Variants in CACNA1G observed in about 807,000 individuals in gnomAD.
CACNA1G encodes the protein voltage-dependent T-type calcium channel subunit alpha-1G.
A neutral mutation model predicts 219.4 loss-of-function variants in CACNA1G; 67 were observed. The observed-to-expected ratio is 0.31, with a 90% CI of 0.25 to 0.37. CACNA1G has a LOEUF of 0.37. Ranked by LOEUF, CACNA1G falls within the 10% of genes least tolerant of loss-of-function variation. The pLI, the probability that CACNA1G is intolerant of heterozygous loss-of-function variation, is 1.00. For missense variants in CACNA1G, 2,380 were observed against 3,231.4 expected (o/e 0.74, Z 6.39); for synonymous variants, 1,296 against 1,345.3 (o/e 0.96, Z 0.80).
In CACNA1G at chr17:50,576,107, C is replaced by G. The variant is rs1438878302; in HGVS notation, c.1705C>G (p.Gln569Glu). Residue 569 changes from glutamine (Q) to glutamate (E), a missense_variant, in exon 8 of 38, where the codon CAG becomes GAG. This residue lies in a region of CACNA1G where 434 missense variants were observed against 417.3 expected (regional missense o/e 1.04). Transcript: ENST00000359106. The part of the protein sequence containing the change: ...ADCHLEPVRC[Q>E]APPPRSPSEA... Reference sequence around the variant, plus strand: ...CTGCCACTTAGAGCCAGTCCGCTGCCAGGCGCCCCCTCCCAGGTCCCCATC... The same window carrying G: ...CTGCCACTTAGAGCCAGTCCGCTGCGAGGCGCCCCCTCCCAGGTCCCCATC... The G allele has an allele frequency of 1.9e-6, 3 of 1,596,234 alleles. No homozygotes were observed. In the African/African-American group the frequency reaches 4.0e-5, roughly 21 times the overall value.
At chr17:50,612,119 C>T (rs966698746) in intron 26 of CACNA1G, among the ~76,000 whole-genome samples, 1 of 152,264 alleles carries the variant, frequency 6.6e-6, no homozygotes, top group Non-Finnish European at 1.5e-5. Flanking sequence ...AAAGCATAAA[C>T]ACAGATTCCT....
chr17:50,611,557 G>A (rs930072437), intron 26 of CACNA1G, among the ~76,000 whole-genome samples: 3 of 152,206 alleles, frequency 2.0e-5, no homozygotes, highest in Non-Finnish European at 4.4e-5. Context: ...TGGGGCTCAG[G>A]AGTCTCTGGC....
In CACNA1G at chr17:50,600,834, ACAGGG is replaced by A; in HGVS notation, c.3791+14_3791+18del. On this transcript the variant is annotated intron_variant, in intron 18 of 37. Coordinates refer to ENST00000359106, the MANE Select transcript of CACNA1G (RefSeq NM_018896.5). This position sits in a 1 kb window ranked among gnomAD's most constrained non-coding sequence, Gnocchi z 4.1. The stretch of plus-strand genomic sequence containing the variant: ...CTTCCCTCCTCAGTCCAGGTAAGTG[ACAGGG>A]CAGGGGTCTGACCTGTGTCCCGACC... The A allele has an allele frequency of 6.2e-7, 1 of 1,610,996 alleles. No homozygotes were observed. Among genetic ancestry groups the A allele is most frequent in the African/African-American group, 1.3e-5 (1 of 74,930 alleles).
At position 50,618,747 on chromosome 17, in the gene CACNA1G, C is replaced by A. The variant is rs770082668; in HGVS notation, c.5520C>A (p.Phe1840Leu). 2 of 1,613,976 alleles carry A rather than the reference C, an allele frequency of 1.2e-6. No homozygotes were observed. Among genetic ancestry groups the A allele is most frequent in the East Asian group, 2.2e-5 (1 of 44,866 alleles). ...TGTCCTTCGTGCTGACGGCCCAGTT[C>A]GTGCTAGTCAACGTGGTGATCGCCG... is the stretch of plus-strand genomic sequence containing the variant. ...YFVSFVLTAQ[F>L]VLVNVVIAVL... is the part of the protein sequence containing the mutation. Residue 1840 changes from phenylalanine to leucine, a missense_variant, in exon 33 of 38, where the codon TTC becomes TTA. Physicochemically the swap from Phe to Leu is conservative, Grantham distance 22. Around this residue, in one of 17 missense-constraint regions of CACNA1G, gnomAD observed 33 missense variants for 70.2 expected, o/e 0.47. Coordinates refer to ENST00000359106, the MANE Select transcript of CACNA1G (RefSeq NM_018896.5). This position sits in a 1 kb window ranked among gnomAD's most constrained non-coding sequence, Gnocchi z 5.3.
chr17:50,627,086 C>T lies in CACNA1G; in HGVS notation c.*335C>T, dbSNP rs1046572336. The T allele has an allele frequency of 1.8e-5, 9 of 490,402 alleles. No individual in the cohort carries two copies. Among genetic ancestry groups the T allele is most frequent in the Admixed American group, 4.6e-5 (2 of 43,532 alleles). The allele number at this position is 490,402 out of a possible 1,614,324, so 30.4% of individuals were successfully genotyped here. ...TTGAATCTAGTATATGCGGGATGTA[C>T]GACATTTTGTGACTGAAGAGACTTG... On this transcript the variant is annotated 3_prime_UTR_variant, in exon 38 of 38. Transcript: ENST00000359106.
intron 37 of CACNA1G, among the ~76,000 whole-genome samples, chr17:50,625,623 T>C (rs1277322615): frequency 6.6e-6 from 1 of 152,154 alleles, no homozygotes; most frequent in African/African-American, 2.4e-5. Flanking sequence ...CGAGGGATTC[T>C]TGCCAATCAG....
At chr17:50,581,933 TG>T (rs2042042494) in intron 9 of CACNA1G, among the ~76,000 whole-genome samples, 1 of 152,250 alleles carries the variant, frequency 6.6e-6, no homozygotes, top group African/African-American at 2.4e-5. Context: ...AATAAAGTCC[TG>T]ATCTGTAGCA....
rs1377040652 is a variant in CACNA1G, at chr17:50,621,729, G to T, written c.5995G>T (p.Ala1999Ser). 6.2e-7 allele frequency: 1 copy of T among 1,613,934 alleles called. No homozygotes were observed. The highest frequency in any genetic ancestry group is 1.3e-5 in the African/African-American group (1 of 75,030). ...TGTGTCTGAACCGTCCTGCTCTCTAGCTCTGACGGATGACTCTTTGCCTGA... is the reference window on the plus strand; with the variant it reads ...TGTGTCTGAACCGTCCTGCTCTCTATCTCTGACGGATGACTCTTTGCCTGA... ...EIVSEPSCSLALTDDSLPDDM... is the reference protein window; with the variant it reads ...EIVSEPSCSLSLTDDSLPDDM... Residue 1999 changes from alanine to serine, a missense_variant, in exon 35 of 38, where the codon GCT becomes TCT. Coordinates refer to ENST00000359106, the MANE Select transcript of CACNA1G (RefSeq NM_018896.5). This position sits in a 1 kb window ranked among gnomAD's most constrained non-coding sequence, Gnocchi z 4.6.
At chr17:50,586,981 C>A (rs1598314884) in intron 9 of CACNA1G, among the ~76,000 whole-genome samples, 4 of 152,154 alleles carry the variant, frequency 2.6e-5, no homozygotes, top group Admixed American at 2.0e-4. Flanking sequence ...TAAGCTCAGG[C>A]TGCCTGGCCT....
Position 50,617,692 on chromosome 17 carries a change from C to T in CACNA1G, c.5155+121C>T. ...TGTGGGTTCCCATGGGTCTTTCTCC[C>T]AGCTTCTGCCAAGGGAGGCTGGAGA... On this transcript the variant is annotated intron_variant, in intron 29 of 37. Coordinates refer to ENST00000359106, the MANE Select transcript of CACNA1G (RefSeq NM_018896.5). The surrounding 1 kb of genome is among the most constrained non-coding windows in gnomAD (Gnocchi z 5.8). 6 of 1,447,626 alleles carry T rather than the reference C, an allele frequency of 4.1e-6. No homozygotes were observed. The allele number at this position is 1,447,626 out of a possible 1,614,324, so 89.7% of individuals were successfully genotyped here.
intron 23 of CACNA1G, 141 bp downstream of exon 23, chr17:50,606,164 C>G: frequency 8.2e-7 from 1 of 1,218,202 alleles, no homozygotes; most frequent in Non-Finnish European, 1.2e-6. Context: ...TGTCTAACCA[C>G]CAGCATGTCG....
intron 8 of CACNA1G, among the ~76,000 whole-genome samples, chr17:50,577,413 C>A (rs928422764): frequency 2.7e-5 from 4 of 150,228 alleles, no homozygotes; most frequent in Admixed American, 6.7e-5. Flanking sequence ...ACATTGATGT[C>A]TTGGGCTAGG....
Position 50,572,012 on chromosome 17 carries a change from T to A in CACNA1G, c.721T>A (p.Cys241Ser). ...QLWAGLLRNRCFLPENFSLPL... is the reference protein window; with the variant it reads ...QLWAGLLRNRSFLPENFSLPL... ...GTGGGCAGGGCTGCTTCGGAACCGATGCTTCCTACCTGAGAATTTCAGCCT... is the reference window on the plus strand; with the variant it reads ...GTGGGCAGGGCTGCTTCGGAACCGAAGCTTCCTACCTGAGAATTTCAGCCT... Residue 241 changes from cysteine to serine, a missense_variant, in exon 5 of 38, where the codon TGC becomes AGC. Physicochemically the swap from Cys to Ser is moderately radical, Grantham distance 112. Coordinates refer to ENST00000359106, the MANE Select transcript of CACNA1G (RefSeq NM_018896.5). 1 of 1,613,904 alleles carries A rather than the reference T, an allele frequency of 6.2e-7. No homozygotes were observed. The highest frequency in any genetic ancestry group is 8.5e-7 in the Non-Finnish European group (1 of 1,179,798).
At chr17:50,604,520 G>A (rs994656516) in intron 22 of CACNA1G, among the ~76,000 whole-genome samples, 1 of 152,260 alleles carries the variant, frequency 6.6e-6, no homozygotes, top group African/African-American at 2.4e-5. Flanking sequence ...GGCCATGGGA[G>A]CCGCAGGCTG....
chr17:50,591,330 A>C, intron 10 of CACNA1G, 105 bp from the exon 11 acceptor site: 1 of 1,168,692 alleles, frequency 8.6e-7, no homozygotes. Flanking sequence ...TTTTCTCTCG[A>C]CGTGCCCACC....
At chr17:50,609,721 C>T (rs1458084538) in intron 25 of CACNA1G, among the ~76,000 whole-genome samples, 161 bp from the exon 26 acceptor site, 1 of 152,220 alleles carries the variant, frequency 6.6e-6, no homozygotes, top group Non-Finnish European at 1.5e-5. Context: ...GCCCTGTGCC[C>T]CCAGCTTCGG....
chr17:50,622,398 C>T (rs1470171933), intron 35 of CACNA1G, among the ~76,000 whole-genome samples: 2 of 151,768 alleles, frequency 1.3e-5, no homozygotes. Context: ...CTCCAGCTCC[C>T]GTCCCTTCTG....
chr17:50,567,769 A>G (rs1363149920), intron 1 of CACNA1G, among the ~76,000 whole-genome samples: 1 of 152,202 alleles, frequency 6.6e-6, no homozygotes, highest in Admixed American at 6.5e-5. Flanking sequence ...CCGTGAGTCC[A>G]GTGCCTGGAA....
intron 3 of CACNA1G, 96 bp from the exon 4 acceptor site, chr17:50,569,607 GTCA>G (rs1193962189): frequency 2.0e-5 from 17 of 842,248 alleles, no homozygotes; most frequent in Non-Finnish European, 3.3e-5. Context: ...GGAGTCAGAG[GTCA>G]TCCTGCTGCC....
Sources: gnomAD v4.1 joint callset for allele counts (sites outside exome capture counted in the v4.1 genomes callset) on GRCh38, gnomAD v4.1.1 for gene constraint, gnomAD v4.1.1 regional missense constraint, Gnocchi (gnomAD v3.1) non-coding constraint, MANE v1.5 for transcripts, NCBI Gene and HGNC (gene_info 2026-07-23, HGNC 2026-07-21) for gene names.